MCTP2: variants seen among roughly 807,000 people sequenced by gnomAD.
The protein encoded by MCTP2 is multiple C2 and transmembrane domain containing 2.
A neutral mutation model predicts 111.6 loss-of-function variants in MCTP2; 132 were observed. That is an observed-to-expected ratio of 1.18 (90% CI 1.03 to 1.37). The LOEUF is 1.37. MCTP2 is among the 40% of genes most tolerant of loss of function. MCTP2 has a pLI of 0.00. For missense variants in MCTP2, 1,183 were observed against 1,067.9 expected (o/e 1.11, Z -1.50); for synonymous variants, 395 against 387.7 (o/e 1.02, Z -0.22).
Position 94,294,814 on chromosome 15 carries a change from G to A in MCTP2, c.-65-3387G>A, listed in dbSNP as rs529771775. ...GCTTTGATCTGCACAGTAACACCAG[G>A]GAGATTGGTTGGAAGGCAGATTCTT... On this transcript the variant is annotated intron_variant, in intron 1 of 22. Transcript: ENST00000357742. Among the ~76,000 whole-genome samples the A allele has an allele frequency of 8.2e-4, 125 of 152,228 alleles. 1 individual carries two copies. The highest frequency in any genetic ancestry group is 2.6e-3 in the African/African-American group (110 of 41,548).
At chr15:94,293,459 C>T (rs1443947091) in intron 1 of MCTP2, among the ~76,000 whole-genome samples, 1 of 152,162 alleles carries the variant, frequency 6.6e-6, no homozygotes, top group Non-Finnish European at 1.5e-5. Context: ...TTTTCAACAT[C>T]ACACGTTATT....
intron 1 of MCTP2, among the ~76,000 whole-genome samples, chr15:94,279,232 A>G (rs2074361159): frequency 6.6e-6 from 1 of 152,124 alleles, no homozygotes; most frequent in African/African-American, 2.4e-5. Context: ...AACAATAGTG[A>G]TTCCTCCAAT....
intron 8 of MCTP2, among the ~76,000 whole-genome samples, chr15:94,349,616 C>G (rs906802581): frequency 2.0e-5 from 3 of 151,706 alleles, no homozygotes; most frequent in Admixed American, 6.6e-5. Context: ...GTCAGGAGAT[C>G]GAGACCATCC....
Position 94,482,643 on chromosome 15 carries a change from C to G in MCTP2, c.*3609C>G, listed in dbSNP as rs1386757573. The G allele has an allele frequency of 6.6e-6, 1 of 152,154 alleles. No homozygotes were observed. Among genetic ancestry groups the G allele is most frequent in the African/African-American group, 2.4e-5 (1 of 41,420 alleles). 9.4% of individuals were successfully genotyped at this position (152,154 alleles called of 1,614,324 possible). ...GTTCTCAGAGAAGTAACACACTGTA[C>G]TTGAGATGTACACAAGTTAAAGGCA... On this transcript the variant is annotated 3_prime_UTR_variant, in exon 23 of 23. Transcript: ENST00000357742.
At chr15:94,286,376 C>T (rs1010725359) in intron 1 of MCTP2, among the ~76,000 whole-genome samples, 8 of 151,844 alleles carry the variant, frequency 5.3e-5, no homozygotes, top group South Asian at 2.1e-4. Context: ...GTTAAAATGA[C>T]GTGATATGAA....
intron 10 of MCTP2, among the ~76,000 whole-genome samples, chr15:94,360,110 C>T (rs2078844485): frequency 6.6e-6 from 1 of 152,136 alleles, no homozygotes; most frequent in Non-Finnish European, 1.5e-5. Flanking sequence ...CCAAACACCC[C>T]TAGGGGACCA....
intron 12 of MCTP2, among the ~76,000 whole-genome samples, chr15:94,379,777 T>C (rs1373271924): frequency 1.4e-5 from 2 of 146,684 alleles, no homozygotes; most frequent in African/African-American, 5.0e-5. Flanking sequence ...TGATATGTAA[T>C]ATATAATTAT....
intron 10 of MCTP2, among the ~76,000 whole-genome samples, chr15:94,359,219 T>A (rs1445393184): frequency 6.6e-6 from 1 of 152,200 alleles, no homozygotes; most frequent in Non-Finnish European, 1.5e-5. Flanking sequence ...AAGGAGATGC[T>A]GGCAGAAGCA....
chr15:94,453,968 CTA>C (rs899916083), intron 19 of MCTP2, among the ~76,000 whole-genome samples: 1 of 152,142 alleles, frequency 6.6e-6, no homozygotes, highest in African/African-American at 2.4e-5. Context: ...GATCAAATGG[CTA>C]TTTCTTCCAC....
intron 7 of MCTP2, 25 bp downstream of exon 7, chr15:94,340,949 G>A (rs768918238): frequency 1.4e-5 from 20 of 1,431,054 alleles, no homozygotes; most frequent in Non-Finnish European, 1.9e-5. Flanking sequence ...CTATTCTTTT[G>A]AAACCTCTCA....
chr15:94,466,050 T>C (rs550350695), intron 20 of MCTP2, among the ~76,000 whole-genome samples: 19 of 152,322 alleles, frequency 1.2e-4, no homozygotes, highest in African/African-American at 4.3e-4. Context: ...AATTCATTCA[T>C]TGGGTTCTTA....
intron 8 of MCTP2, among the ~76,000 whole-genome samples, chr15:94,353,325 G>C (rs1214660544): frequency 6.6e-6 from 1 of 152,180 alleles, no homozygotes; most frequent in African/African-American, 2.4e-5. Flanking sequence ...GCCTGCTACA[G>C]TCCTCAGCCT....
intron 1 of MCTP2, among the ~76,000 whole-genome samples, chr15:94,260,481 A>T (rs1267888870): frequency 6.6e-6 from 1 of 152,146 alleles, no homozygotes; most frequent in Non-Finnish European, 1.5e-5. Context: ...GGTTGGGAAT[A>T]CAGGTTGTGG....
intron 20 of MCTP2, among the ~76,000 whole-genome samples, chr15:94,465,522 TC>T (rs1486759427): frequency 1.3e-5 from 2 of 152,178 alleles, no homozygotes; most frequent in South Asian, 2.1e-4. Context: ...ATTTCGGAAC[TC>T]CGACTAACTG....
At position 94,293,223 on chromosome 15, in the gene MCTP2, A is replaced by G. The variant is rs561397746; in HGVS notation, c.-65-4978A>G. Among the ~76,000 whole-genome samples the G allele has an allele frequency of 1.3e-3, 198 of 152,286 alleles. 1 individual carries two copies. Among genetic ancestry groups the G allele is most frequent in the African/African-American group, 4.3e-3 (179 of 41,580 alleles). On this transcript the variant is annotated intron_variant, in intron 1 of 22. Transcript: ENST00000357742. ...AAATGGCTTGTTAGACTATATCAAA[A>G]TTAAAAACTTTTACTGTGCAAAAGG...
chr15:94,477,137 T>C (rs556992451), intron 22 of MCTP2, among the ~76,000 whole-genome samples: 1 of 152,116 alleles, frequency 6.6e-6, no homozygotes, highest in Non-Finnish European at 1.5e-5. Flanking sequence ...CCAGGGAGTG[T>C]TGCTTATTTT....
At position 94,440,191 on chromosome 15, in the gene MCTP2, G is replaced by T; in HGVS notation, c.2101G>T (p.Val701Phe). Reference protein sequence around the residue: ...TIAFAVFLITVWNFELYMIPL... With the variant: ...TIAFAVFLITFWNFELYMIPL... ...TTTCAATCAGGTATTTTTGATCACT[G>T]TCTGGAATTTTGAACTATATATGAT... Residue 701 changes from valine to phenylalanine, a missense_variant, in exon 18 of 23, where the codon GTC (valine) becomes TTC (phenylalanine). Val to Phe is a conservative substitution (Grantham distance 50, BLOSUM62 -1). Coordinates refer to ENST00000357742, the MANE Select transcript of MCTP2 (RefSeq NM_001385001.1). 6.2e-7 allele frequency: 1 copy of T among 1,613,886 alleles called. No individual in the cohort carries two copies. The highest frequency in any genetic ancestry group is 8.5e-7 in the Non-Finnish European group (1 of 1,179,904).
chr15:94,276,058 A>C (rs546389635), intron 1 of MCTP2, among the ~76,000 whole-genome samples: 27 of 152,042 alleles, frequency 1.8e-4, no homozygotes, highest in South Asian at 4.1e-4. Context: ...GTTAGCCAGG[A>C]TGGTCTTGAT....
At chr15:94,432,404 A>G (rs1382368813) in intron 17 of MCTP2, among the ~76,000 whole-genome samples, 2 of 152,296 alleles carry the variant, frequency 1.3e-5, no homozygotes, top group Middle Eastern at 3.4e-3. Context: ...TACTTATGTC[A>G]TCTTAGGTGA....
Sources: gnomAD v4.1 joint callset for allele counts (sites outside exome capture counted in the v4.1 genomes callset) on GRCh38, gnomAD v4.1.1 for gene constraint, MANE v1.5 for transcripts, NCBI Gene and HGNC (gene_info 2026-07-23, HGNC 2026-07-21) for gene names.